The following DENND1A variants were observed in gnomAD, a reference collection of about 807,000 sequenced individuals.
DENND1A encodes the protein DENN domain-containing protein 1A.
Under a neutral mutation model 113.7 loss-of-function variants are expected in DENND1A, and 51 were observed. That is an observed-to-expected ratio of 0.45 (90% confidence interval 0.36 to 0.57). The LOEUF is 0.57. Among genes scored for constraint, DENND1A ranks in the 20% least tolerant of loss-of-function variants. The pLI is 0.00. For missense variants in DENND1A, 1,258 were observed against 1,395.9 expected, an observed-to-expected ratio of 0.90 and a Z score of 1.57; for synonymous variants, 565 against 570.8, an observed-to-expected ratio of 0.99 and a Z score of 0.14.
At chr9:123,452,438 C>G (rs1411635735) in intron 16 of DENND1A, 91 bp from the exon 17 acceptor site, 1 of 1,034,012 alleles carries the variant, frequency 9.7e-7, no homozygotes. Flanking sequence ...AGTTAAGCAA[C>G]ATTTCAAAGG....
At chr9:123,709,452 T>G (rs1179798772) in intron 5 of DENND1A, among the ~76,000 whole-genome samples, 2 of 152,196 alleles carry the variant, frequency 1.3e-5, no homozygotes, top group Admixed American at 1.3e-4. Flanking sequence ...GTCTCTATAC[T>G]TGGCTTGGCA....
chr9:123,625,812 A>AT (rs1252987138), intron 10 of DENND1A, among the ~76,000 whole-genome samples: 5 of 152,138 alleles, frequency 3.3e-5, no homozygotes, highest in Admixed American at 1.3e-4. Context: ...AACTATATTG[A>AT]TTTTTCCAGC....
intron 2 of DENND1A, among the ~76,000 whole-genome samples, chr9:123,858,037 C>T (rs866665183): frequency 1.4e-5 from 2 of 138,676 alleles, no homozygotes; most frequent in Non-Finnish European, 1.5e-5. Context: ...CCAGCCTGGG[C>T]GACAGAGCGA....
chr9:123,720,359 G>A (rs1291466286), intron 5 of DENND1A, among the ~76,000 whole-genome samples: 2 of 152,162 alleles, frequency 1.3e-5, no homozygotes, highest in African/African-American at 2.4e-5. Context: ...AGGAGGGTCT[G>A]TGCATGCTGG....
intron 2 of DENND1A, among the ~76,000 whole-genome samples, chr9:123,805,743 T>C (rs1835438684): frequency 1.3e-5 from 2 of 152,076 alleles, no homozygotes; most frequent in Admixed American, 1.3e-4. Flanking sequence ...TATATATTAT[T>C]TTAATAATTT....
rs146838635 is a variant in DENND1A at position 123,653,724 on chromosome 9, C to T, written c.508-1601G>A. On this transcript the variant is annotated intron_variant, in intron 8 of 23. Coordinates refer to ENST00000394215, the MANE Select transcript of DENND1A (RefSeq NM_001352964.2). ...TAAAACTCATATTTGGAAAAAGAAA[C>T]GCAACAAGATCAAGTATGCCTAAAG... Among the ~76,000 whole-genome samples, 421 of 151,786 alleles carry T rather than the reference C, an allele frequency of 2.8e-3. 1 individual carries two copies. The highest frequency in any genetic ancestry group is 5.7e-3 in the Admixed American group (87 of 15,226).
At chr9:123,510,059 T>C (rs1357204121) in intron 13 of DENND1A, among the ~76,000 whole-genome samples, 1 of 152,254 alleles carries the variant, frequency 6.6e-6, no homozygotes, top group African/African-American at 2.4e-5. Context: ...TACAGAGTAA[T>C]GTCCTATGAC....
chr9:123,583,493 AG>A (rs1225294248), intron 11 of DENND1A, among the ~76,000 whole-genome samples: 2 of 152,268 alleles, frequency 1.3e-5, no homozygotes, highest in South Asian at 4.2e-4. Context: ...AGGAGTGAAA[AG>A]GGTTCACAGA....
At chr9:123,853,613 G>A (rs746009383) in intron 2 of DENND1A, among the ~76,000 whole-genome samples, 9 of 151,556 alleles carry the variant, frequency 5.9e-5, no homozygotes, top group African/African-American at 1.9e-4. Context: ...GCAGTGAGCC[G>A]AGATCACACC....
chr9:123,702,717 C>G (rs970992796), intron 5 of DENND1A, among the ~76,000 whole-genome samples: 7 of 152,052 alleles, frequency 4.6e-5, no homozygotes, highest in Non-Finnish European at 8.8e-5. Flanking sequence ...CAAATCTGTC[C>G]TACAGAAATG....
chr9:123,862,102 A>AT (rs1554790882), intron 2 of DENND1A, among the ~76,000 whole-genome samples: 13 of 151,958 alleles, frequency 8.6e-5, no homozygotes, highest in South Asian at 2.1e-4. Context: ...ATAAAAAAAA[A>AT]TTTTTTTTTA....
chr9:123,497,375 G>T (rs1227233524), intron 13 of DENND1A, among the ~76,000 whole-genome samples: 2 of 152,206 alleles, frequency 1.3e-5, no homozygotes, highest in Non-Finnish European at 2.9e-5. Flanking sequence ...GGAGAGTAGT[G>T]GGCATGATCA....
Position 123,410,745 on chromosome 9 carries a change from G to A in DENND1A, c.1542+1031C>T, listed in dbSNP as rs1020084519. On this transcript the variant is annotated intron_variant, in intron 20 of 23. Transcript: ENST00000394215. The stretch of plus-strand genomic sequence containing the variant: ...GCCTTCACAAGATGGATTTGGACAC[G>A]TGTGTTGCAGAGGGCGGGAGGACTA... 5.1e-4 allele frequency among the ~76,000 whole-genome samples: 77 copies of A among 152,200 alleles called. 2 individuals carry two copies. The highest frequency in any genetic ancestry group is 4.5e-3 in the Admixed American group (68 of 15,276).
At chr9:123,639,311 C>G (rs748446119) in intron 9 of DENND1A, among the ~76,000 whole-genome samples, 1 of 151,412 alleles carries the variant, frequency 6.6e-6, no homozygotes, top group Non-Finnish European at 1.5e-5. Flanking sequence ...TGGTGACAGG[C>G]GCCTGTAGTC....
At chr9:123,874,378 C>A (rs956285503) in intron 2 of DENND1A, among the ~76,000 whole-genome samples, 1 of 151,878 alleles carries the variant, frequency 6.6e-6, no homozygotes, top group Admixed American at 6.6e-5. Context: ...AGTATATAAA[C>A]AATTTCTTAT....
chr9:123,892,390 G>A (rs1027029413), intron 1 of DENND1A, among the ~76,000 whole-genome samples: 3 of 152,138 alleles, frequency 2.0e-5, no homozygotes, highest in Non-Finnish European at 4.4e-5. Context: ...TAAAAAGCAA[G>A]ACTCGGAAGG....
intron 13 of DENND1A, among the ~76,000 whole-genome samples, chr9:123,460,875 T>C (rs1476085294): frequency 6.6e-6 from 1 of 152,260 alleles, no homozygotes; most frequent in African/African-American, 2.4e-5. Context: ...AATGTCTCTT[T>C]TTCCCACTAG....
intron 13 of DENND1A, among the ~76,000 whole-genome samples, chr9:123,535,269 C>T (rs151254619): frequency 3.3e-5 from 5 of 152,270 alleles, no homozygotes; most frequent in East Asian, 1.9e-4. Context: ...ATGGTTTCCA[C>T]GGTACTTAGA....
intron 13 of DENND1A, among the ~76,000 whole-genome samples, chr9:123,469,492 G>C (rs2049224959): frequency 6.6e-6 from 1 of 152,248 alleles, no homozygotes; most frequent in African/African-American, 2.4e-5. Flanking sequence ...CGGCTCCTCT[G>C]TGCCAGCAGC....
Sources: gnomAD v4.1 joint callset for allele counts (sites outside exome capture counted in the v4.1 genomes callset) on GRCh38, gnomAD v4.1.1 for gene constraint, MANE v1.5 for transcripts, NCBI Gene and HGNC (gene_info 2026-07-23, HGNC 2026-07-21) for gene names.